Variants in YAE1 observed in about 807,000 individuals in gnomAD.
The protein encoded by YAE1 is protein YAE1 homolog.
In YAE1, 22 loss-of-function variants were observed where a neutral mutation model predicts 23.0. The observed-to-expected ratio is 0.96, with a 90% CI of 0.68 to 1.37. The LOEUF (loss-of-function observed/expected upper bound fraction) is 1.37, where lower values mean the gene tolerates loss of function less well. Ranked by LOEUF, YAE1 falls within the 40% of genes most tolerant of loss-of-function variation. YAE1 has a pLI of 0.00. For synonymous variants in YAE1, 101 were observed against 97.0 expected, an observed-to-expected ratio of 1.04 and a Z score of -0.24; for missense variants, 260 against 262.1, an observed-to-expected ratio of 0.99 and a Z score of 0.06.
At chr7:39,588,512 A>G (rs1453114449) in intron 2 of YAE1, among the ~76,000 whole-genome samples, 1 of 151,952 alleles carries the variant, frequency 6.6e-6, no homozygotes, top group African/African-American at 2.4e-5. Context: ...AAAAAAAAAA[A>G]AAAAAAGAAT....
At chr7:39,597,129 C>T (rs1017030410) in intron 2 of YAE1, among the ~76,000 whole-genome samples, 4 of 152,178 alleles carry the variant, frequency 2.6e-5, no homozygotes, top group African/African-American at 9.7e-5. Context: ...ACTGTGGCTT[C>T]TTCATAGTAA....
chr7:39,609,794 C>T, exon 3 of YAE1: 1 of 1,531,852 alleles, frequency 6.5e-7, no homozygotes, highest in Non-Finnish European at 8.7e-7. Context: ...AAAGCGGCCG[C>T]GCCACTCCCC....
chr7:39,603,463 A>G (rs1367590316), intron 2 of YAE1, among the ~76,000 whole-genome samples: 1 of 152,194 alleles, frequency 6.6e-6, no homozygotes, highest in Non-Finnish European at 1.5e-5. Flanking sequence ...GATATGCAAA[A>G]GTAAACCAGA....
chr7:39,604,411 C>T (rs1377242269), intron 2 of YAE1, among the ~76,000 whole-genome samples: 1 of 152,192 alleles, frequency 6.6e-6, no homozygotes, highest in Non-Finnish European at 1.5e-5. Flanking sequence ...CTTAGTGTCA[C>T]CTTTACCTGA....
intron 2 of YAE1, among the ~76,000 whole-genome samples, chr7:39,582,674 GA>G (rs1332947939): frequency 3.3e-5 from 5 of 152,194 alleles, no homozygotes; most frequent in Non-Finnish European, 5.9e-5. Flanking sequence ...TGGCCTTCAT[GA>G]AAGGTAGCAG....
At chr7:39,604,646 T>C (rs1294324973) in intron 2 of YAE1, among the ~76,000 whole-genome samples, 2 of 152,224 alleles carry the variant, frequency 1.3e-5, no homozygotes, top group African/African-American at 2.4e-5. Context: ...CTTTGATTAG[T>C]AGTTATATAG....
intron 2 of YAE1, among the ~76,000 whole-genome samples, chr7:39,601,752 C>T (rs1791058278): frequency 1.1e-5 from 1 of 87,900 alleles, no homozygotes; most frequent in African/African-American, 3.6e-5. Flanking sequence ...GAGCCAGACT[C>T]TGTCTCAAAA....
At chr7:39,584,313 G>A (rs1299313908) in intron 2 of YAE1, among the ~76,000 whole-genome samples, 4 of 152,092 alleles carry the variant, frequency 2.6e-5, no homozygotes, top group Non-Finnish European at 5.9e-5. Context: ...GATGGAAAGG[G>A]GGTACTACTA....
intron 2 of YAE1, among the ~76,000 whole-genome samples, chr7:39,601,977 C>T (rs986673108): frequency 6.6e-6 from 1 of 151,918 alleles, no homozygotes; most frequent in Non-Finnish European, 1.5e-5. Flanking sequence ...CTATAGAAGA[C>T]AGTCAATAGG....
intron 2 of YAE1, among the ~76,000 whole-genome samples, chr7:39,587,545 C>T (rs1326835705): frequency 6.6e-6 from 1 of 152,030 alleles, no homozygotes; most frequent in Non-Finnish European, 1.5e-5. Flanking sequence ...AATGTTGCAC[C>T]CTGTTGTACC....
intron 2 of YAE1, among the ~76,000 whole-genome samples, chr7:39,598,023 T>G (rs1791001857): frequency 6.6e-6 from 1 of 152,148 alleles, no homozygotes; most frequent in Admixed American, 6.5e-5. Context: ...TTGCCCAGAC[T>G]GGTCTCAAAC....
Position 39,589,108 on chromosome 7 carries a change from C to T in YAE1, c.251+18481C>T, listed in dbSNP as rs149514405. On this transcript the variant is annotated intron_variant, in intron 2 of 2. Transcript: ENST00000432096. The stretch of plus-strand genomic sequence containing the variant: ...AAGTGCTGGGATTACAGGTGTGAGC[C>T]ACCACACCTGGCTAATTTTAGTTTC... 9.6e-4 allele frequency among the ~76,000 whole-genome samples: 146 copies of T among 152,178 alleles called. 2 individuals are homozygous for T. The East Asian group carries it at 0.026, about 27-fold the overall frequency.
At chr7:39,585,093 C>T (rs1382998712) in intron 2 of YAE1, among the ~76,000 whole-genome samples, 2 of 152,194 alleles carry the variant, frequency 1.3e-5, no homozygotes, top group African/African-American at 2.4e-5. Flanking sequence ...TTCTGACCAA[C>T]ACATTGTTCT....
intron 2 of YAE1, among the ~76,000 whole-genome samples, chr7:39,596,378 C>T (rs967319354): frequency 1.3e-5 from 2 of 151,876 alleles, no homozygotes; most frequent in Non-Finnish European, 2.9e-5. Flanking sequence ...GCTGGGATTA[C>T]AGGCGCCCGT....
intron 2 of YAE1, chr7:39,609,475 T>A: frequency 9.0e-7 from 1 of 1,109,004 alleles, no homozygotes; most frequent in Non-Finnish European, 1.3e-6. Context: ...ATGGGGAAAG[T>A]TGGGGGGTTG....
Position 39,572,718 on chromosome 7 carries a change from C to A in YAE1, c.*12C>A. The A allele has an allele frequency of 6.5e-7, 1 of 1,550,150 alleles. No homozygotes were observed. The highest frequency in any genetic ancestry group is 8.7e-7 in the Non-Finnish European group (1 of 1,154,744). ...TCAAACAACTATAAAATTACCTTCCCTTTTCTAATGAAAATAATGTTCAGA... is the reference window on the plus strand; with the variant it reads ...TCAAACAACTATAAAATTACCTTCCATTTTCTAATGAAAATAATGTTCAGA... On this transcript the variant is annotated 3_prime_UTR_variant, in exon 3 of 3. Coordinates refer to ENST00000223273, the MANE Select transcript of YAE1 (RefSeq NM_020192.5).
chr7:39,593,749 G>A (rs76106470), intron 2 of YAE1, among the ~76,000 whole-genome samples: 8,085 of 152,240 alleles, frequency 0.053, 293 homozygotes, highest in East Asian at 0.12. Flanking sequence ...ATGAGCCACC[G>A]CATCCAGCCT....
exon 3 of YAE1, chr7:39,609,887 T>C: frequency 6.5e-7 from 1 of 1,533,644 alleles, no homozygotes; most frequent in Non-Finnish European, 8.7e-7. Context: ...ACCGCGACCC[T>C]GCAGCAGCCT....
At chr7:39,603,025 A>C (rs939774368) in intron 2 of YAE1, among the ~76,000 whole-genome samples, 3 of 152,254 alleles carry the variant, frequency 2.0e-5, no homozygotes, top group African/African-American at 7.2e-5. Context: ...CTGGGATTAC[A>C]GGCGTTAGCC....
Sources: gnomAD v4.1 joint callset for allele counts (sites outside exome capture counted in the v4.1 genomes callset) on GRCh38, gnomAD v4.1.1 for gene constraint, MANE v1.5 for transcripts, NCBI Gene and HGNC (gene_info 2026-07-23, HGNC 2026-07-21) for gene names.